Variants in NSMCE2 observed in about 807,000 individuals in gnomAD.
NSMCE2 encodes the protein NSE2 SUMO ligase component of SMC5/6 complex.
In NSMCE2, 24 loss-of-function variants were observed where a neutral mutation model predicts 23.8. The ratio of observed to expected loss-of-function variants is 1.01; its 90% CI spans 0.73 to 1.42. The LOEUF (loss-of-function observed/expected upper bound fraction) is 1.42, where lower values mean the gene tolerates loss of function less well. Among genes scored for constraint, NSMCE2 ranks in the 40% most tolerant of loss-of-function variants. The probability of loss-of-function intolerance (pLI) is 0.00; values close to 1 mark genes in which losing one functional copy is unlikely to be tolerated. For synonymous variants in NSMCE2, 92 were observed against 94.1 expected, an observed-to-expected ratio of 0.98 and a Z score of 0.13; for missense variants, 284 against 296.5, an observed-to-expected ratio of 0.96 and a Z score of 0.31.
chr8:125,096,545 T>C (rs1286590695), intron 1 of NSMCE2, among the ~76,000 whole-genome samples: 1 of 152,034 alleles, frequency 6.6e-6, no homozygotes, highest in African/African-American at 2.4e-5. Context: ...TTATTTGTTT[T>C]TTTTTTTTGG....
At chr8:125,271,723 G>A (rs528973111) in intron 5 of NSMCE2, among the ~76,000 whole-genome samples, 2 of 152,266 alleles carry the variant, frequency 1.3e-5, no homozygotes, top group African/African-American at 4.8e-5. Context: ...CGTTCTGGAG[G>A]ATGCATGCTT....
chr8:125,216,014 T>C (rs1824565601), intron 5 of NSMCE2, among the ~76,000 whole-genome samples: 1 of 152,236 alleles, frequency 6.6e-6, no homozygotes, highest in Non-Finnish European at 1.5e-5. Flanking sequence ...ATTGTGCCAC[T>C]GCACTCCAGC....
chr8:125,284,197 T>TAA (rs34193294), intron 5 of NSMCE2, among the ~76,000 whole-genome samples: 286 of 141,300 alleles, frequency 2.0e-3, no homozygotes, highest in African/African-American at 7.2e-3. Flanking sequence ...ATTTAGAGAG[T>TAA]AAAAAAAAAA....
At chr8:125,337,839 G>A (rs912559887) in intron 5 of NSMCE2, among the ~76,000 whole-genome samples, 2 of 142,704 alleles carry the variant, frequency 1.4e-5, no homozygotes, top group South Asian at 4.5e-4. Context: ...AGGTTGCGGT[G>A]AGCCAAGATC....
intron 5 of NSMCE2, among the ~76,000 whole-genome samples, chr8:125,353,599 T>C (rs1369422784): frequency 6.6e-6 from 1 of 152,194 alleles, no homozygotes; most frequent in East Asian, 1.9e-4. Context: ...TAAATATCGT[T>C]TTAGGACGGG....
At chr8:125,359,386 T>C (rs1813432066) in intron 7 of NSMCE2, among the ~76,000 whole-genome samples, 1 of 139,342 alleles carries the variant, frequency 7.2e-6, no homozygotes, top group African/African-American at 2.7e-5. Flanking sequence ...CAGGCTGGAG[T>C]GCAATGGCGT....
chr8:125,358,704 G>A lies in NSMCE2; in HGVS notation c.626+886G>A, dbSNP rs181881867. On this transcript the variant is annotated intron_variant, in intron 7 of 7. Transcript: ENST00000287437. ...TGTGACTAGTTCTCAATTGACTTCTGATAACAGTCCCTTTGATGTGTGGCT... is the reference window on the plus strand; with the variant it reads ...TGTGACTAGTTCTCAATTGACTTCTAATAACAGTCCCTTTGATGTGTGGCT... Among the ~76,000 whole-genome samples, 12 of 152,210 alleles carry A rather than the reference G, an allele frequency of 7.9e-5. No individual in the cohort carries two copies. In the East Asian group the frequency reaches 2.3e-3, roughly 29 times the overall value.
At chr8:125,357,359 C>A in intron 6 of NSMCE2, 40 bp downstream of exon 6, 1 of 1,296,364 alleles carries the variant, frequency 7.7e-7, no homozygotes, top group Non-Finnish European at 1.1e-6. Context: ...AAACACGATT[C>A]ACTTCACAGA....
chr8:125,134,377 T>C (rs1049552827), intron 3 of NSMCE2, among the ~76,000 whole-genome samples: 3 of 152,196 alleles, frequency 2.0e-5, no homozygotes, highest in Non-Finnish European at 4.4e-5. Context: ...GGGATCTATG[T>C]GTGGAGTATA....
intron 5 of NSMCE2, among the ~76,000 whole-genome samples, chr8:125,183,794 A>G (rs959050370): frequency 6.6e-6 from 1 of 152,128 alleles, no homozygotes; most frequent in Non-Finnish European, 1.5e-5. Flanking sequence ...TGGTCATCTC[A>G]TGGTAATTAG....
intron 5 of NSMCE2, among the ~76,000 whole-genome samples, chr8:125,185,995 C>A (rs1194304437): frequency 2.6e-5 from 4 of 152,162 alleles, no homozygotes; most frequent in Non-Finnish European, 2.9e-5. Context: ...CAGAAGTTCT[C>A]ACTTTGACAA....
intron 3 of NSMCE2, among the ~76,000 whole-genome samples, chr8:125,131,868 C>T (rs1819789899): frequency 6.6e-6 from 1 of 152,150 alleles, no homozygotes; most frequent in Non-Finnish European, 1.5e-5. Context: ...AGTAGGTGCA[C>T]CCTGTGTGTT....
At chr8:125,208,423 G>T (rs536486693) in intron 5 of NSMCE2, among the ~76,000 whole-genome samples, 1 of 152,304 alleles carries the variant, frequency 6.6e-6, no homozygotes, top group East Asian at 1.9e-4. Context: ...TTACTTTCAA[G>T]AAGTTTATAT....
At chr8:125,253,293 C>T (rs751241441) in intron 5 of NSMCE2, among the ~76,000 whole-genome samples, 4 of 152,170 alleles carry the variant, frequency 2.6e-5, no homozygotes, top group Non-Finnish European at 4.4e-5. Context: ...GATTCTGAGC[C>T]TTTTTTGTGC....
intron 3 of NSMCE2, among the ~76,000 whole-genome samples, chr8:125,142,332 C>A (rs1168849839): frequency 3.3e-5 from 5 of 152,146 alleles, no homozygotes; most frequent in Non-Finnish European, 5.9e-5. Context: ...ACATAGCTAG[C>A]ATGTAATTTC....
intron 3 of NSMCE2, among the ~76,000 whole-genome samples, chr8:125,113,391 G>A (rs1818857315): frequency 6.6e-6 from 1 of 152,060 alleles, no homozygotes. Flanking sequence ...CAGAGGCTGA[G>A]GCAGGAGAAG....
At chr8:125,093,309 C>T (rs938356516) in intron 1 of NSMCE2, among the ~76,000 whole-genome samples, 3 of 152,140 alleles carry the variant, frequency 2.0e-5, no homozygotes, top group Non-Finnish European at 4.4e-5. Context: ...ATACCATCAC[C>T]TTGGAAGTTA....
chr8:125,251,245 G>T (rs1448220741), intron 5 of NSMCE2, among the ~76,000 whole-genome samples: 1 of 151,976 alleles, frequency 6.6e-6, no homozygotes, highest in Non-Finnish European at 1.5e-5. Flanking sequence ...GGGAGACGCA[G>T]GGAACAGAAT....
intron 5 of NSMCE2, among the ~76,000 whole-genome samples, chr8:125,272,045 G>A (rs372701477): frequency 5.4e-5 from 7 of 129,280 alleles, no homozygotes; most frequent in Non-Finnish European, 1.1e-4. Context: ...ACGGAGTCTC[G>A]CTCTGTCACC....
Sources: gnomAD v4.1 joint callset for allele counts (sites outside exome capture counted in the v4.1 genomes callset) on GRCh38, gnomAD v4.1.1 for gene constraint, MANE v1.5 for transcripts, NCBI Gene and HGNC (gene_info 2026-07-23, HGNC 2026-07-21) for gene names.